Variants in RBFOX1 observed in about 807,000 individuals in gnomAD.
RBFOX1 encodes the protein RNA binding protein fox-1 homolog 1.
Under a neutral mutation model 57.7 loss-of-function variants are expected in RBFOX1, and 8 were observed. That is an observed-to-expected ratio of 0.14 (90% CI 0.08 to 0.25). RBFOX1 has a LOEUF of 0.25. Ranked by LOEUF, RBFOX1 falls within the 10% of genes least tolerant of loss-of-function variation. The pLI, the probability that RBFOX1 is intolerant of heterozygous loss-of-function variation, is 1.00. For synonymous variants in RBFOX1, 326 were observed against 222.4 expected (o/e 1.47, Z -4.15); for missense variants, 611 against 548.5 (o/e 1.11, Z -1.14).
intron 2 of RBFOX1, among the ~76,000 whole-genome samples, chr16:6,325,351 C>A (rs900511704): frequency 1.3e-5 from 2 of 152,094 alleles, no homozygotes; most frequent in African/African-American, 2.4e-5. Context: ...AAAGCCCTGT[C>A]TGAAAAAGGA....
rs530692108 is a variant in RBFOX1 at position 5,625,037 on chromosome 16, A to G, written c.318+26076A>G. 9.1e-4 allele frequency among the ~76,000 whole-genome samples: 138 copies of G among 152,304 alleles called. 5 individuals are homozygous for G. The South Asian group carries it at 0.019, about 21-fold the overall frequency. On this transcript the variant is annotated intron_variant, in intron 3 of 19. Coordinates refer to the RBFOX1 transcript ENST00000641259. Reference sequence around the variant, plus strand: ...AGAGATACCAGCAGTCACCCTCCATAGGCGGCTCTGGATTCTATTTAAAAT... The same window carrying G: ...AGAGATACCAGCAGTCACCCTCCATGGGCGGCTCTGGATTCTATTTAAAAT...
chr16:6,066,528 A>G (rs1400181799), intron 1 of RBFOX1, among the ~76,000 whole-genome samples: 1 of 152,232 alleles, frequency 6.6e-6, no homozygotes. Context: ...GTATTTTTCA[A>G]CAGTAGTCCA....
intron 5 of RBFOX1, among the ~76,000 whole-genome samples, chr16:7,555,240 T>A (rs1317755898): frequency 6.6e-6 from 1 of 152,190 alleles, no homozygotes; most frequent in Non-Finnish European, 1.5e-5. Context: ...TTAAAAGCCT[T>A]CTGATGACTC....
intron 14 of RBFOX1, among the ~76,000 whole-genome samples, chr16:7,696,516 G>T (rs1237512745): frequency 6.6e-6 from 1 of 152,128 alleles, no homozygotes. Context: ...AGGTTGAAAA[G>T]CAAGTTACTT....
At chr16:6,182,359 C>T (rs971032575) in intron 1 of RBFOX1, among the ~76,000 whole-genome samples, 1 of 152,108 alleles carries the variant, frequency 6.6e-6, no homozygotes, top group African/African-American at 2.4e-5. Flanking sequence ...TACGACCTAC[C>T]ACAGCCACTT....
intron 4 of RBFOX1, among the ~76,000 whole-genome samples, chr16:7,087,535 G>C (rs1246622612): frequency 7.0e-6 from 1 of 143,576 alleles, no homozygotes; most frequent in East Asian, 2.3e-4. Flanking sequence ...AGAAGGGCAA[G>C]AGTTAGGAAG....
intron 1 of RBFOX1, among the ~76,000 whole-genome samples, chr16:5,448,948 C>T (rs55905864): frequency 0.031 from 4,730 of 152,136 alleles, 154 homozygotes; most frequent in East Asian, 0.12. Flanking sequence ...CTACTGCAGA[C>T]CCCCTGGCTG....
At chr16:7,693,544 C>G (rs772946450) in intron 14 of RBFOX1, among the ~76,000 whole-genome samples, 1 of 150,094 alleles carries the variant, frequency 6.7e-6, no homozygotes, top group Non-Finnish European at 1.5e-5. Context: ...CCATATAAGA[C>G]GACATTAGGC....
At chr16:7,301,569 A>C (rs536212663) in intron 4 of RBFOX1, among the ~76,000 whole-genome samples, 1 of 152,238 alleles carries the variant, frequency 6.6e-6, no homozygotes, top group Non-Finnish European at 1.5e-5. Flanking sequence ...GCCTTAGTGC[A>C]GCCAAGAGCA....
intron 3 of RBFOX1, among the ~76,000 whole-genome samples, chr16:6,882,292 C>A (rs983280588): frequency 6.6e-6 from 1 of 152,116 alleles, no homozygotes; most frequent in Non-Finnish European, 1.5e-5. Flanking sequence ...GGAGGAACAA[C>A]CTGTGCACTG....
At chr16:6,883,723 T>C (rs1277423235) in intron 3 of RBFOX1, among the ~76,000 whole-genome samples, 1 of 152,158 alleles carries the variant, frequency 6.6e-6, no homozygotes, top group African/African-American at 2.4e-5. Flanking sequence ...TTTCTAAGAA[T>C]GATAGAGTCC....
intron 2 of RBFOX1, among the ~76,000 whole-genome samples, chr16:6,545,105 C>T (rs1041058036): frequency 6.6e-6 from 1 of 152,124 alleles, no homozygotes; most frequent in African/African-American, 2.4e-5. Context: ...GGCTTTCCTC[C>T]AAATGATATC....
At chr16:7,543,638 T>C (rs1312591468) in intron 5 of RBFOX1, among the ~76,000 whole-genome samples, 2 of 151,508 alleles carry the variant, frequency 1.3e-5, no homozygotes, top group East Asian at 1.9e-4. Flanking sequence ...CTGTATTTTA[T>C]TGAGAGTCTG....
intron 3 of RBFOX1, among the ~76,000 whole-genome samples, chr16:7,010,953 G>C (rs962976194): frequency 1.3e-5 from 2 of 152,220 alleles, no homozygotes; most frequent in Non-Finnish European, 2.9e-5. Flanking sequence ...AGGGCCTTGG[G>C]CAAGAGGATA....
At chr16:6,718,542 G>A (rs540297124) in intron 3 of RBFOX1, among the ~76,000 whole-genome samples, 23 of 152,290 alleles carry the variant, frequency 1.5e-4, no homozygotes, top group African/African-American at 2.9e-4. Context: ...CAGCATTTTC[G>A]TGGAGACCTG....
chr16:7,194,761 C>T (rs200906676), intron 4 of RBFOX1, among the ~76,000 whole-genome samples: 3 of 104,102 alleles, frequency 2.9e-5, no homozygotes, highest in Non-Finnish European at 6.0e-5. Context: ...AACCTCATCT[C>T]TACAAAAACT....
intron 4 of RBFOX1, among the ~76,000 whole-genome samples, chr16:7,088,132 G>C (rs150408313): frequency 5.9e-5 from 9 of 151,792 alleles, no homozygotes; most frequent in Admixed American, 1.3e-4. Flanking sequence ...AAAAAAATGT[G>C]TATGTGTATG....
At chr16:7,569,672 A>T (rs1567880355) in intron 5 of RBFOX1, among the ~76,000 whole-genome samples, 4 of 152,192 alleles carry the variant, frequency 2.6e-5, no homozygotes, top group Non-Finnish European at 2.9e-5. Context: ...TTTTCCACAG[A>T]AAGCCACCAA....
chr16:7,547,660 A>C (rs181669473), intron 5 of RBFOX1, among the ~76,000 whole-genome samples: 1 of 152,338 alleles, frequency 6.6e-6, no homozygotes, highest in East Asian at 1.9e-4. Context: ...AGGCATGTGC[A>C]TTTGCAAATT....
Sources: allele counts gnomAD v4.1 joint callset (sites outside exome capture counted in the v4.1 genomes callset), GRCh38; gene constraint gnomAD v4.1.1; transcripts MANE v1.5; gene names NCBI Gene and HGNC (gene_info 2026-07-23, HGNC 2026-07-21).